PTPRO: variants seen among roughly 807,000 people sequenced by gnomAD.
PTPRO encodes receptor-type tyrosine-protein phosphatase O.
PTPRO carries 62 observed loss-of-function variants against 145.2 expected under a neutral mutation model. That is an observed-to-expected ratio of 0.43 (90% CI 0.35 to 0.53). PTPRO has a LOEUF of 0.53. Among genes scored for constraint, PTPRO ranks in the 20% least tolerant of loss-of-function variants. The pLI, the probability that PTPRO is intolerant of heterozygous loss-of-function variation, is 0.01. For synonymous variants in PTPRO, 565 were observed against 514.7 expected, an observed-to-expected ratio of 1.10 and a Z score of -1.32; for missense variants, 1,345 against 1,482.7, an observed-to-expected ratio of 0.91 and a Z score of 1.53.
chr12:15,544,540 A>G lies in PTPRO; in HGVS notation c.2165-2029A>G, dbSNP rs1943243999. 1.3e-5 allele frequency among the ~76,000 whole-genome samples: 2 copies of G among 150,298 alleles called. 1 individual carries two copies. Among genetic ancestry groups the G allele is most frequent in the Admixed American group, 1.3e-4 (2 of 15,130 alleles). On this transcript the variant is annotated intron_variant, in intron 12 of 26. Transcript: ENST00000281171. ...AAAAAAAAAAAAAGATTAAAGGAAAAGGTAACGAGTTTTTAAAAGATATGC... is the reference window on the plus strand; with the variant it reads ...AAAAAAAAAAAAAGATTAAAGGAAAGGGTAACGAGTTTTTAAAAGATATGC...
At chr12:15,352,647 CT>C (rs1360906371) in intron 1 of PTPRO, among the ~76,000 whole-genome samples, 2 of 16,734 alleles carry the variant, frequency 1.2e-4, no homozygotes, top group African/African-American at 4.0e-4. Flanking sequence ...AAGACTCTGT[CT>C]CAAAAAAAAA....
At chr12:15,544,944 C>T (rs760975566) in intron 12 of PTPRO, among the ~76,000 whole-genome samples, 2 of 152,196 alleles carry the variant, frequency 1.3e-5, no homozygotes, top group African/African-American at 2.4e-5. Context: ...CATCTCTTTC[C>T]TCCTTCAACT....
intron 1 of PTPRO, among the ~76,000 whole-genome samples, chr12:15,389,503 C>A (rs1939129704): frequency 6.6e-6 from 1 of 152,118 alleles, no homozygotes; most frequent in Non-Finnish European, 1.5e-5. Context: ...GATAACTTTT[C>A]TCTCTTTGTA....
chr12:15,475,549 T>C (rs1175574038), intron 1 of PTPRO, among the ~76,000 whole-genome samples: 1 of 152,218 alleles, frequency 6.6e-6, no homozygotes, highest in African/African-American at 2.4e-5. Context: ...TTTAGGTCTT[T>C]GAGATACAAA....
chr12:15,546,015 CAAAA>C (rs57464176), intron 12 of PTPRO, among the ~76,000 whole-genome samples: 1 of 133,278 alleles, frequency 7.5e-6, no homozygotes, highest in East Asian at 2.2e-4. Flanking sequence ...ACCCCCGCCT[CAAAA>C]AAAAAAAAAA....
chr12:15,516,479 AAGAG>A lies in PTPRO; in HGVS notation c.1586-278_1586-275del, dbSNP rs77726377. Among the ~76,000 whole-genome samples the A allele has an allele frequency of 0.2, 29,957 of 147,582 alleles. 3,260 individuals carry two copies. The highest frequency in any genetic ancestry group is 0.25 in the Admixed American group (3,662 of 14,622). ...AGTGAGAAAGAGAGAGAAAAAGAAA[AAGAG>A]AGAGAAAGGAAAGAAAGAAAAGAAA... On this transcript the variant is annotated intron_variant, in intron 8 of 26. Coordinates refer to ENST00000281171, the MANE Select transcript of PTPRO (RefSeq NM_030667.3).
intron 1 of PTPRO, among the ~76,000 whole-genome samples, chr12:15,473,887 T>C (rs1315774822): frequency 1.3e-5 from 2 of 152,034 alleles, no homozygotes; most frequent in African/African-American, 2.4e-5. Context: ...ACGAAAGACA[T>C]TTTATGCTCA....
intron 1 of PTPRO, among the ~76,000 whole-genome samples, chr12:15,461,817 C>T (rs1941310025): frequency 6.6e-6 from 1 of 152,072 alleles, no homozygotes; most frequent in Admixed American, 6.5e-5. Flanking sequence ...CCGCCCGCCT[C>T]AGCCTCCCAA....
chr12:15,543,563 C>G (rs951159459), intron 12 of PTPRO, among the ~76,000 whole-genome samples: 2 of 152,142 alleles, frequency 1.3e-5, no homozygotes, highest in African/African-American at 4.8e-5. Context: ...GTTGATGAAT[C>G]TTGACTCATG....
chr12:15,335,436 A>C (rs2136206504), intron 1 of PTPRO, among the ~76,000 whole-genome samples: 1 of 152,264 alleles, frequency 6.6e-6, no homozygotes, highest in Admixed American at 6.5e-5. Context: ...TTACATATAA[A>C]CATAGTGAGG....
chr12:15,592,936 C>G (rs1428485972), intron 25 of PTPRO, among the ~76,000 whole-genome samples: 1 of 152,166 alleles, frequency 6.6e-6, no homozygotes, highest in Admixed American at 6.5e-5. Context: ...GTTTGAATTT[C>G]GGGACTTTCA....
chr12:15,578,843 T>C lies in PTPRO; in HGVS notation c.2830-10T>C. 1 of 1,557,916 alleles carries C rather than the reference T, an allele frequency of 6.4e-7. No individual in the cohort carries two copies. Among genetic ancestry groups the C allele is most frequent in the Non-Finnish European group, 8.9e-7 (1 of 1,128,838 alleles). ...ATGGAACTCTCAAATCCATTCTCTG[T>C]CCTTTACAGGAGTTGAAATTGATTG... On this transcript the variant is annotated splice_polypyrimidine_tract_variant and intron_variant, in intron 19 of 26. Transcript: ENST00000281171.
At chr12:15,455,037 T>C (rs949635614) in intron 1 of PTPRO, among the ~76,000 whole-genome samples, 5 of 152,320 alleles carry the variant, frequency 3.3e-5, no homozygotes, top group Admixed American at 2.6e-4. Context: ...TTTTCAAGAT[T>C]GCTTTGGCTA....
intron 1 of PTPRO, among the ~76,000 whole-genome samples, chr12:15,450,412 A>C (rs1941014954): frequency 6.6e-6 from 1 of 152,176 alleles, no homozygotes; most frequent in Non-Finnish European, 1.5e-5. Flanking sequence ...TGACTACTTT[A>C]TAGAAAGCTG....
At chr12:15,388,171 G>A (rs950369582) in intron 1 of PTPRO, among the ~76,000 whole-genome samples, 2 of 152,048 alleles carry the variant, frequency 1.3e-5, no homozygotes, top group African/African-American at 4.8e-5. Flanking sequence ...CAATGTGCAG[G>A]TTTGTCATCC....
intron 1 of PTPRO, among the ~76,000 whole-genome samples, chr12:15,349,599 T>A (rs961873482): frequency 5.3e-5 from 8 of 152,208 alleles, no homozygotes; most frequent in Admixed American, 2.6e-4. Context: ...CTCTGTTAGT[T>A]AGCTCTGCAA....
At position 15,580,940 on chromosome 12, in the gene PTPRO, C is replaced by T. The variant is rs1284320732; in HGVS notation, c.3132+109C>T. 31 of 1,434,696 alleles carry T rather than the reference C, an allele frequency of 2.2e-5. 1 individual carries two copies. The South Asian group carries it at 2.6e-4, about 12-fold the overall frequency. The allele number at this position is 1,434,696 out of a possible 1,614,324, so 88.9% of individuals were successfully genotyped here. A position where few individuals can be genotyped will look rare whatever the true frequency, so the allele number is the denominator to read the frequency against. On this transcript the variant is annotated intron_variant, in intron 22 of 26. Coordinates refer to ENST00000281171, the MANE Select transcript of PTPRO (RefSeq NM_030667.3). ...AGTCAAATAAAACATAGAGACAAAT[C>T]GCTAAATTTAAAACATTGTATTCGG...
chr12:15,504,517 C>T (rs1274426254), intron 6 of PTPRO, among the ~76,000 whole-genome samples: 2 of 152,120 alleles, frequency 1.3e-5, no homozygotes. Context: ...CTCAATAAAA[C>T]TGGTGGGAAA....
intron 1 of PTPRO, among the ~76,000 whole-genome samples, chr12:15,441,436 T>C (rs1478009516): frequency 1.3e-5 from 2 of 152,054 alleles, no homozygotes; most frequent in Admixed American, 1.3e-4. Flanking sequence ...TAATATCACA[T>C]CTAGAGGAAC....
Sources: gnomAD v4.1 joint callset for allele counts (sites outside exome capture counted in the v4.1 genomes callset) on GRCh38, gnomAD v4.1.1 for gene constraint, MANE v1.5 for transcripts, NCBI Gene and HGNC (gene_info 2026-07-23, HGNC 2026-07-21) for gene names.